Variants in AFF3 observed in about 807,000 individuals in gnomAD.
AFF3 encodes AF4/FMR2 family member 3.
In AFF3, 32 loss-of-function variants were observed where a neutral mutation model predicts 129.7. The ratio of observed to expected loss-of-function variants is 0.25; its 90% CI spans 0.19 to 0.33. AFF3 has a LOEUF of 0.33. Among genes scored for constraint, AFF3 ranks in the 10% least tolerant of loss-of-function variants. The probability of loss-of-function intolerance (pLI) is 1.00; values close to 1 mark genes in which losing one functional copy is unlikely to be tolerated. For synonymous variants in AFF3, 644 were observed against 635.4 expected, an observed-to-expected ratio of 1.01 and a Z score of -0.20; for missense variants, 1,373 against 1,592.0, an observed-to-expected ratio of 0.86 and a Z score of 2.34.
chr2:99,743,239 A>G (rs3915083), intron 10 of AFF3, among the ~76,000 whole-genome samples: 110,315 of 152,104 alleles, frequency 0.73, 41,117 homozygotes, highest in East Asian at 0.92. Context: ...CTAGCTGCGC[A>G]TGAAAATTCT....
intron 11 of AFF3, among the ~76,000 whole-genome samples, chr2:99,685,442 C>A (rs1674962163): frequency 6.6e-6 from 1 of 152,108 alleles, no homozygotes; most frequent in Admixed American, 6.5e-5. Flanking sequence ...GTAAATTAAG[C>A]CTTGCCATAT....
At chr2:99,973,032 T>A (rs1377448826) in intron 7 of AFF3, among the ~76,000 whole-genome samples, 1 of 152,210 alleles carries the variant, frequency 6.6e-6, no homozygotes, top group Admixed American at 6.5e-5. Flanking sequence ...AATAGTAGGC[T>A]TTTTGATATA....
intron 2 of AFF3, chr2:100,105,856 G>T (rs147651497): frequency 1.3e-5 from 17 of 1,336,646 alleles, no homozygotes; most frequent in Non-Finnish European, 1.7e-5. Context: ...CTGCAGTTGT[G>T]CCTCACCACG....
chr2:99,762,339 G>T (rs1184052307), intron 8 of AFF3, among the ~76,000 whole-genome samples: 1 of 151,998 alleles, frequency 6.6e-6, no homozygotes, highest in African/African-American at 2.4e-5. Flanking sequence ...TGGCCAGGCT[G>T]GTCTCAAACT....
At chr2:99,666,357 G>A (rs1381417035) in intron 12 of AFF3, among the ~76,000 whole-genome samples, 1 of 152,152 alleles carries the variant, frequency 6.6e-6, no homozygotes, top group East Asian at 1.9e-4. Context: ...ACTGTTATAA[G>A]TTATGTATAT....
chr2:100,053,782 C>A (rs1686544379), intron 4 of AFF3, among the ~76,000 whole-genome samples: 1 of 152,196 alleles, frequency 6.6e-6, no homozygotes, highest in Non-Finnish European at 1.5e-5. Flanking sequence ...TGACATCCCT[C>A]TTCCTCATCC....
intron 17 of AFF3, among the ~76,000 whole-genome samples, chr2:99,581,703 G>A (rs1461181275): frequency 6.6e-6 from 1 of 151,358 alleles, no homozygotes; most frequent in Non-Finnish European, 1.5e-5. Flanking sequence ...GTTGTGATAG[G>A]CACAGTGATT....
At chr2:100,095,624 T>C (rs1282953331) in intron 4 of AFF3, among the ~76,000 whole-genome samples, 1 of 152,250 alleles carries the variant, frequency 6.6e-6, no homozygotes, top group Non-Finnish European at 1.5e-5. Context: ...GTTTCTCTTG[T>C]CAGTAGCAGT....
chr2:99,700,893 T>A (rs1676783148), intron 11 of AFF3, among the ~76,000 whole-genome samples: 1 of 152,304 alleles, frequency 6.6e-6, no homozygotes, highest in Admixed American at 6.5e-5. Flanking sequence ...CTGGCCTTGG[T>A]CACCTGCCTG....
intron 8 of AFF3, among the ~76,000 whole-genome samples, chr2:99,786,097 T>C (rs1684769537): frequency 6.6e-6 from 1 of 152,208 alleles, no homozygotes; most frequent in Non-Finnish European, 1.5e-5. Context: ...CCCATGGCCA[T>C]TCGTTGAGTG....
At chr2:99,875,570 C>T (rs901946326) in intron 7 of AFF3, among the ~76,000 whole-genome samples, 1 of 152,166 alleles carries the variant, frequency 6.6e-6, no homozygotes, top group Admixed American at 6.5e-5. Flanking sequence ...TATCTGTTAG[C>T]TGAATGAATG....
intron 7 of AFF3, among the ~76,000 whole-genome samples, chr2:100,000,715 G>C (rs935248737): frequency 1.3e-5 from 2 of 152,136 alleles, no homozygotes; most frequent in African/African-American, 4.8e-5. Flanking sequence ...ACTCTGCCAA[G>C]CAGGTATCAT....
rs956392405 is a variant in AFF3 at position 99,550,805 on chromosome 2, T to A, written c.*669A>T. The A allele has an allele frequency of 2.1e-5, 5 of 234,368 alleles. No individual in the cohort carries two copies. The highest frequency in any genetic ancestry group is 1.1e-4 in the African/African-American group (5 of 45,350). The allele number at this position is 234,368 out of a possible 1,614,324, so 14.5% of individuals were successfully genotyped here. A position where few individuals can be genotyped will look rare whatever the true frequency, so the allele number is the denominator to read the frequency against. On this transcript the variant is annotated 3_prime_UTR_variant, in exon 25 of 25. Transcript: ENST00000672756. ...TGTCCATCTGTTTGCCTGGAATGCA[T>A]TTAGTTGATAATAGAGTCAGATGGG...
At chr2:99,773,211 T>A (rs760746521) in intron 8 of AFF3, among the ~76,000 whole-genome samples, 12 of 152,200 alleles carry the variant, frequency 7.9e-5, no homozygotes, top group Non-Finnish European at 1.6e-4. Context: ...AGCCCACTGA[T>A]TGAGACCACA....
Position 99,594,300 on chromosome 2 carries a change from A to G in AFF3, c.1372-11T>C. ...GGATGCCGGTTCAGCCTGAAAGCAGAAAACCGGTGACAAACAAAACATCTT... is the reference window on the plus strand; with the variant it reads ...GGATGCCGGTTCAGCCTGAAAGCAGGAAACCGGTGACAAACAAAACATCTT... On this transcript the variant is annotated splice_polypyrimidine_tract_variant and intron_variant, in intron 14 of 24. Coordinates refer to ENST00000672756, the MANE Select transcript of AFF3 (RefSeq NM_001386135.1). The G allele has an allele frequency of 6.3e-7, 1 of 1,588,870 alleles. No individual in the cohort carries two copies. Among genetic ancestry groups the G allele is most frequent in the Non-Finnish European group, 8.6e-7 (1 of 1,163,880 alleles).
chr2:100,101,460 GATCA>G lies in AFF3; in HGVS notation c.53+2938_53+2941del, dbSNP rs1390661367. On this transcript the variant is annotated intron_variant, in intron 4 of 24. Coordinates refer to ENST00000672756, the MANE Select transcript of AFF3 (RefSeq NM_001386135.1). ...TCCTCCTTCAAAAAAGTTTTTCTAT[GATCA>G]ATCAAAGGAAGAAGTTTTCAATGGT... Among the ~76,000 whole-genome samples, 16 of 147,230 alleles carry G rather than the reference GATCA, an allele frequency of 1.1e-4. 1 individual carries two copies. The Middle Eastern group carries it at 0.014, about 126-fold the overall frequency.
At chr2:100,056,192 T>G (rs1227513735) in intron 4 of AFF3, among the ~76,000 whole-genome samples, 1 of 151,918 alleles carries the variant, frequency 6.6e-6, no homozygotes, top group Non-Finnish European at 1.5e-5. Context: ...CCAGAGACTC[T>G]CAAAGTGGCT....
chr2:99,835,793 C>T (rs1023000846), intron 8 of AFF3, among the ~76,000 whole-genome samples: 5 of 152,146 alleles, frequency 3.3e-5, no homozygotes, highest in Non-Finnish European at 7.3e-5. Flanking sequence ...TGCATATGGA[C>T]ACAAATCTGT....
chr2:99,946,413 G>A (rs1675567646), intron 7 of AFF3, among the ~76,000 whole-genome samples: 2 of 143,110 alleles, frequency 1.4e-5, no homozygotes, highest in Admixed American at 7.5e-5. Context: ...GGTGGGGGTT[G>A]CAGTGAGCCG....
Sources: allele counts gnomAD v4.1 joint callset (sites outside exome capture counted in the v4.1 genomes callset), GRCh38; gene constraint gnomAD v4.1.1; transcripts MANE v1.5; gene names NCBI Gene and HGNC (gene_info 2026-07-23, HGNC 2026-07-21).